Variants in DAOA observed in about 807,000 individuals in gnomAD.
DAOA encodes D-amino acid oxidase activator, also known as D-amino acid oxidase regulator.
A neutral mutation model predicts 16.4 loss-of-function variants in DAOA; 15 were observed. That is an observed-to-expected ratio of 0.91 (90% CI 0.61 to 1.41). The LOEUF is 1.41. Ranked by LOEUF, DAOA falls within the 40% of genes most tolerant of loss-of-function variation. The probability of loss-of-function intolerance (pLI) is 0.00; values close to 1 mark genes in which losing one functional copy is unlikely to be tolerated. For missense variants in DAOA, 230 were observed against 176.8 expected (o/e 1.30, Z -1.71); for synonymous variants, 75 against 59.1 (o/e 1.27, Z -1.23).
At chr13:105,486,448 G>C (rs1367664960) in intron 4 of DAOA, among the ~76,000 whole-genome samples, 2 of 151,808 alleles carry the variant, frequency 1.3e-5, no homozygotes, top group Non-Finnish European at 2.9e-5. Flanking sequence ...TCTGTTTCTG[G>C]GTGGCTCTCT....
chr13:105,489,050 A>G (rs1878329597), intron 4 of DAOA, among the ~76,000 whole-genome samples: 1 of 152,222 alleles, frequency 6.6e-6, no homozygotes. Flanking sequence ...CTATTGCATT[A>G]CAATGTGGTA....
At chr13:105,468,010 C>A (rs186449390) in intron 3 of DAOA, among the ~76,000 whole-genome samples, 44 of 152,272 alleles carry the variant, frequency 2.9e-4, no homozygotes, top group Non-Finnish European at 4.4e-4. Context: ...CATTCTCTTG[C>A]CTGCCCCAGC....
Position 105,466,242 on chromosome 13 carries a change from C to T in DAOA, c.-47C>T. 1.9e-6 allele frequency: 3 copies of T among 1,612,964 alleles called. No homozygotes were observed. The highest frequency in any genetic ancestry group is 2.5e-6 in the Non-Finnish European group (3 of 1,179,388). ...ATTTGGAAAGGGCATGGCAGGAGGT[C>T]TCATCTCTGCTTCACAATGCCGATG... On this transcript the variant is annotated 5_prime_UTR_variant, in exon 2 of 6. Transcript: ENST00000375936.
chr13:105,480,594 G>C (rs147832680), intron 4 of DAOA, among the ~76,000 whole-genome samples: 1 of 152,032 alleles, frequency 6.6e-6, no homozygotes, highest in East Asian at 1.9e-4. Flanking sequence ...GAATTGGCTC[G>C]TGATTATAGA....
In DAOA at chr13:105,490,759, AAAT is replaced by A. The variant is rs545796111; in HGVS notation, c.*112-147_*112-145del. The A allele has an allele frequency of 6.6e-5, 10 of 152,296 alleles. No individual in the cohort carries two copies. The South Asian group carries it at 1.2e-3, about 19-fold the overall frequency. 9.4% of individuals were successfully genotyped at this position (152,296 alleles called of 1,614,324 possible). A position where few individuals can be genotyped will look rare whatever the true frequency, so the allele number is the denominator to read the frequency against. ...GATTTATAATTCACTTTCCTTCAAAAAATAATAACTCAGTGTCTAGTAAGGTAA... is the reference window on the plus strand; with the variant it reads ...GATTTATAATTCACTTTCCTTCAAAAAATAACTCAGTGTCTAGTAAGGTAA... On this transcript the variant is annotated intron_variant, in intron 5 of 5. Transcript: ENST00000375936.
At chr13:105,472,830 A>G (rs1877067584) in intron 4 of DAOA, 145 bp downstream of exon 4, 2 of 610,952 alleles carry the variant, frequency 3.3e-6, no homozygotes, top group South Asian at 1.0e-4. Context: ...TTATTTGTCT[A>G]TTACATAGGA....
rs1203590280 is a variant in DAOA at position 105,479,841 on chromosome 13, A to G, written c.281+7156A>G. Among the ~76,000 whole-genome samples the G allele has an allele frequency of 2.0e-5, 3 of 152,198 alleles. No homozygotes were observed. In the East Asian group the frequency reaches 5.8e-4, roughly 29 times the overall value. On this transcript the variant is annotated intron_variant, in intron 4 of 5. Transcript: ENST00000375936. ...TAAGAAACTCATAGAAAGAGTTCAC[A>G]TAGACTCTTGGAATTTAGAAGAAGG...
At position 105,475,221 on chromosome 13, in the gene DAOA, G is replaced by A. The variant is rs981371310; in HGVS notation, c.281+2536G>A. ...TGTGGCTTTTACCATGACAAAAAACGTAATTGGATCCATGAATGCAGAGCC... is the reference window on the plus strand; with the variant it reads ...TGTGGCTTTTACCATGACAAAAAACATAATTGGATCCATGAATGCAGAGCC... On this transcript the variant is annotated intron_variant, in intron 4 of 5. Coordinates refer to ENST00000375936, the MANE Select transcript of DAOA (RefSeq NM_172370.5). Among the ~76,000 whole-genome samples the A allele has an allele frequency of 6.6e-5, 10 of 152,014 alleles. No homozygotes were observed. In the East Asian group the frequency reaches 7.7e-4, roughly 12 times the overall value.
intron 4 of DAOA, among the ~76,000 whole-genome samples, chr13:105,472,916 G>A (rs1877075365): frequency 1.3e-5 from 2 of 151,950 alleles, no homozygotes; most frequent in East Asian, 3.9e-4. Context: ...CTTGAATTTT[G>A]TTTTTTATAA....
intron 3 of DAOA, among the ~76,000 whole-genome samples, chr13:105,470,111 T>C (rs1322814595): frequency 2.3e-5 from 3 of 129,284 alleles, no homozygotes; most frequent in Non-Finnish European, 3.3e-5. Context: ...ATCTTGCTCA[T>C]TGGAATTTTT....
rs975668439 is a variant in DAOA at position 105,490,023 on chromosome 13, A to G, written c.404A>G (p.Asn135Ser). Reference sequence around the variant, plus strand: ...GAACGAATGTGGACCTGCAACTACAACCAGCAAAAAGACCAGTCATGCAAC... The same window carrying G: ...GAACGAATGTGGACCTGCAACTACAGCCAGCAAAAAGACCAGTCATGCAAC... ...PLERMWTCNY[N>S]QQKDQSCNHK... The change falls in exon 5 of 6, where the codon AAC (asparagine) becomes AGC (serine). Residue 135 changes from asparagine to serine, a missense_variant. By Grantham distance (46) the Asn-to-Ser change is conservative. Coordinates refer to ENST00000375936, the MANE Select transcript of DAOA (RefSeq NM_172370.5). 1.9e-6 allele frequency: 3 copies of G among 1,609,002 alleles called. No homozygotes were observed. The African/African-American group carries it at 4.0e-5, about 22-fold the overall frequency.
At chr13:105,481,077 A>C (rs982948977) in intron 4 of DAOA, among the ~76,000 whole-genome samples, 12 of 152,158 alleles carry the variant, frequency 7.9e-5, no homozygotes, top group Non-Finnish European at 1.6e-4. Context: ...AGTTCTCCAC[A>C]TGTTAATCTA....
intron 4 of DAOA, among the ~76,000 whole-genome samples, chr13:105,477,633 A>G (rs982138856): frequency 6.6e-6 from 1 of 152,192 alleles, no homozygotes; most frequent in Non-Finnish European, 1.5e-5. Context: ...CTGAGGAGGG[A>G]GGATCCCTTG....
chr13:105,473,156 A>T (rs200581476), intron 4 of DAOA, among the ~76,000 whole-genome samples: 7 of 149,186 alleles, frequency 4.7e-5, no homozygotes, highest in Admixed American at 2.7e-4. Flanking sequence ...CCTACGTGAG[A>T]GTGTGTGTGT....
chr13:105,480,819 G>A (rs917821102), intron 4 of DAOA, among the ~76,000 whole-genome samples: 1 of 152,124 alleles, frequency 6.6e-6, no homozygotes, highest in African/African-American at 2.4e-5. Context: ...GCCCTAAGAA[G>A]GAGAGAAACA....
chr13:105,476,996 T>A (rs565981148), intron 4 of DAOA: 4 of 152,336 alleles, frequency 2.6e-5, no homozygotes, highest in East Asian at 3.9e-4. Context: ...AGCAACTTTC[T>A]GATGAAATTT....
chr13:105,475,442 T>C (rs1040648891), intron 4 of DAOA, among the ~76,000 whole-genome samples: 14 of 152,314 alleles, frequency 9.2e-5, no homozygotes, highest in African/African-American at 3.4e-4. Flanking sequence ...ATCTTTCCCT[T>C]AGGAACACAG....
chr13:105,481,025 C>T (rs963695647), intron 4 of DAOA, among the ~76,000 whole-genome samples: 3 of 152,132 alleles, frequency 2.0e-5, no homozygotes, highest in Non-Finnish European at 2.9e-5. Context: ...CATTTGACAT[C>T]TAAAATTATC....
intron 4 of DAOA, among the ~76,000 whole-genome samples, chr13:105,486,043 T>C (rs1365821492): frequency 1.3e-5 from 2 of 152,182 alleles, no homozygotes; most frequent in Non-Finnish European, 2.9e-5. Flanking sequence ...TGCCACCTGG[T>C]ATCGTGCTTA....
Sources: gnomAD v4.1 joint callset for allele counts (sites outside exome capture counted in the v4.1 genomes callset) on GRCh38, gnomAD v4.1.1 for gene constraint, MANE v1.5 for transcripts, NCBI Gene and HGNC (gene_info 2026-07-23, HGNC 2026-07-21) for gene names.